Variants in CACNG1 observed in about 807,000 individuals in gnomAD.
CACNG1 encodes calcium voltage-gated channel auxiliary subunit gamma 1.
CACNG1 carries 21 observed loss-of-function variants against 22.0 expected under a neutral mutation model. The ratio of observed to expected loss-of-function variants is 0.95; its 90% CI spans 0.68 to 1.37. CACNG1 has a LOEUF of 1.37. CACNG1 is among the 40% of genes most tolerant of loss of function. The pLI is 0.00. For synonymous variants in CACNG1, 127 were observed against 129.2 expected, an observed-to-expected ratio of 0.98 and a Z score of 0.12; for missense variants, 291 against 308.6, an observed-to-expected ratio of 0.94 and a Z score of 0.43.
rs1463076297 is a variant in CACNG1 at position 67,054,282 on chromosome 17, C to T, written c.304+212C>T. Among the ~76,000 whole-genome samples the T allele has an allele frequency of 6.6e-6, 1 of 152,202 alleles. No homozygotes were observed. The highest frequency in any genetic ancestry group is 6.5e-5 in the Admixed American group (1 of 15,280). On this transcript the variant is annotated intron_variant, in intron 2 of 3. Transcript: ENST00000226021. The surrounding 1 kb of genome is among the most constrained non-coding windows in gnomAD (Gnocchi z 4.6). ...TCCAGGGCCCGGAGCTTCCACACCT[C>T]GGGGCCAGGGAGCGTTTGCAGAAGC...
In CACNG1 at chr17:67,055,428, G is replaced by A. The variant is rs1161225598; in HGVS notation, c.442+188G>A. 6.6e-6 allele frequency among the ~76,000 whole-genome samples: 1 copy of A among 152,190 alleles called. No homozygotes were observed. ...GGTTGGAGGGAGACAGAGCTTGGCG[G>A]TTTGTCCATTCCTCTCCACGACTCA... On this transcript the variant is annotated intron_variant, in intron 3 of 3. Coordinates refer to ENST00000226021, the MANE Select transcript of CACNG1 (RefSeq NM_000727.4). The surrounding 1 kb of genome is among the most constrained non-coding windows in gnomAD (Gnocchi z 4.5).
intron 1 of CACNG1, among the ~76,000 whole-genome samples, chr17:67,053,135 G>A (rs1394921266): frequency 1.3e-5 from 2 of 152,146 alleles, no homozygotes; most frequent in Non-Finnish European, 2.9e-5. Flanking sequence ...TGGGCCAAGC[G>A]GCTTTGTGGG....
At chr17:67,051,853 A>C (rs1264449549) in intron 1 of CACNG1, among the ~76,000 whole-genome samples, 2 of 152,222 alleles carry the variant, frequency 1.3e-5, no homozygotes, top group African/African-American at 2.4e-5. Flanking sequence ...CACCAGGTGC[A>C]AACAGCTGTG....
At position 67,056,520 on chromosome 17, in the gene CACNG1, T is replaced by G. The variant is rs1598142954; in HGVS notation, c.*249T>G. 1.8e-6 allele frequency: 1 copy of G among 553,148 alleles called. No homozygotes were observed. Among genetic ancestry groups the G allele is most frequent in the African/African-American group, 1.9e-5 (1 of 52,894 alleles). The allele number at this position is 553,148 out of a possible 1,614,324, so 34.3% of individuals were successfully genotyped here. A position where few individuals can be genotyped will look rare whatever the true frequency, so the allele number is the denominator to read the frequency against. On this transcript the variant is annotated 3_prime_UTR_variant, in exon 4 of 4. Transcript: ENST00000226021. The surrounding 1 kb of genome is among the most constrained non-coding windows in gnomAD (Gnocchi z 4.3). ...GAGGCAGAGCCAGCAGGTGGACAGGTGTTTGCAGGGGCCCAACTTCCCCTG... is the reference window on the plus strand; with the variant it reads ...GAGGCAGAGCCAGCAGGTGGACAGGGGTTTGCAGGGGCCCAACTTCCCCTG...
Position 67,054,977 on chromosome 17 carries a change from TG to T in CACNG1, c.305-125del. On this transcript the variant is annotated intron_variant, in intron 2 of 3. Transcript: ENST00000226021. The surrounding 1 kb of genome is among the most constrained non-coding windows in gnomAD (Gnocchi z 4.6). ...CAAGACAGACACAGAGACACACACT[TG>T]ACACACACACAATGACACACACAGA... 1 of 925,460 alleles carries T rather than the reference TG, an allele frequency of 1.1e-6. No individual in the cohort carries two copies. Among genetic ancestry groups the T allele is most frequent in the Middle Eastern group, 2.3e-4 (1 of 4,304 alleles). 57.3% of individuals were successfully genotyped at this position (925,460 alleles called of 1,614,324 possible).
At position 67,052,593 on chromosome 17, in the gene CACNG1, G is replaced by T. The variant is rs79355976; in HGVS notation, c.230-1403G>T. On this transcript the variant is annotated intron_variant, in intron 1 of 3. Transcript: ENST00000226021. ...CAAACTAGACACCATCTCAACTAGA[G>T]AAAGAGATGTTTTTCTATTTAAGGG... Among the ~76,000 whole-genome samples the T allele has an allele frequency of 2.4e-4, 37 of 152,280 alleles. No individual in the cohort carries two copies. In the East Asian group the frequency reaches 7.1e-3, roughly 29 times the overall value.
In CACNG1 at chr17:67,055,043, C is replaced by A; in HGVS notation, c.305-60C>A. On this transcript the variant is annotated intron_variant, in intron 2 of 3. Coordinates refer to ENST00000226021, the MANE Select transcript of CACNG1 (RefSeq NM_000727.4). The surrounding 1 kb of genome is among the most constrained non-coding windows in gnomAD (Gnocchi z 4.5). Reference sequence around the variant, plus strand: ...CTGTGGTGCATGGTGTGGTCCCTAACGAGCCATGACAAGAGCTCCCATGCT... The same window carrying A: ...CTGTGGTGCATGGTGTGGTCCCTAAAGAGCCATGACAAGAGCTCCCATGCT... 6.4e-7 allele frequency: 1 copy of A among 1,559,926 alleles called. No individual in the cohort carries two copies. The highest frequency in any genetic ancestry group is 8.7e-7 in the Non-Finnish European group (1 of 1,144,766).
rs181644902 is a variant in CACNG1, at chr17:67,048,200, G to A, written c.229+3311G>A. ...TGTTTAAAAAATACTGGCTGGGTGT[G>A]GTGGCTCACTCCTGTATTCCCAGCA... On this transcript the variant is annotated intron_variant, in intron 1 of 3. Coordinates refer to ENST00000226021, the MANE Select transcript of CACNG1 (RefSeq NM_000727.4). Among the ~76,000 whole-genome samples, 64 of 151,956 alleles carry A rather than the reference G, an allele frequency of 4.2e-4. 1 individual carries two copies. In the East Asian group the frequency reaches 8.5e-3, roughly 20 times the overall value.
At chr17:67,046,447 T>A (rs2035697308) in intron 1 of CACNG1, among the ~76,000 whole-genome samples, 2 of 152,072 alleles carry the variant, frequency 1.3e-5, no homozygotes. Flanking sequence ...TCCCTCCTGC[T>A]TGCTCCAGAG....
chr17:67,053,895 C>G (rs560097129), intron 1 of CACNG1, 101 bp from the exon 2 acceptor site: 1 of 806,666 alleles, frequency 1.2e-6, no homozygotes, highest in African/African-American at 1.7e-5. Context: ...GCTGCCAGAG[C>G]CCCCTGCATG....
intron 1 of CACNG1, among the ~76,000 whole-genome samples, chr17:67,050,632 T>A (rs2035722722): frequency 6.6e-6 from 1 of 152,200 alleles, no homozygotes; most frequent in Non-Finnish European, 1.5e-5. Flanking sequence ...CATCCACTAA[T>A]CCTGCCAGCT....
Position 67,055,008 on chromosome 17 carries a change from G to C in CACNG1, c.305-95G>C. 7.7e-7 allele frequency: 1 copy of C among 1,303,182 alleles called. No individual in the cohort carries two copies. Among genetic ancestry groups the C allele is most frequent in the Non-Finnish European group, 1.1e-6 (1 of 936,862 alleles). The allele number at this position is 1,303,182 out of a possible 1,614,324, so 80.7% of individuals were successfully genotyped here. A position where few individuals can be genotyped will look rare whatever the true frequency, so the allele number is the denominator to read the frequency against. ...ACACACAATGACACACACAGACACT[G>C]ACACACACACTGTGGTGCATGGTGT... On this transcript the variant is annotated intron_variant, in intron 2 of 3. Coordinates refer to ENST00000226021, the MANE Select transcript of CACNG1 (RefSeq NM_000727.4). This position sits in a 1 kb window ranked among gnomAD's most constrained non-coding sequence, Gnocchi z 4.5.
intron 1 of CACNG1, among the ~76,000 whole-genome samples, chr17:67,048,308 CAAAAAAAA>C (rs377751953): frequency 1.9e-3 from 207 of 110,426 alleles, no homozygotes; most frequent in African/African-American, 6.8e-3. Flanking sequence ...CTGTCCCTAC[CAAAAAAAA>C]AAAAAAAAAC....
At chr17:67,053,361 T>C (rs1334265781) in intron 1 of CACNG1, among the ~76,000 whole-genome samples, 2 of 152,222 alleles carry the variant, frequency 1.3e-5, no homozygotes, top group Non-Finnish European at 2.9e-5. Context: ...AAACACTGTT[T>C]CCCAGGTCCC....
chr17:67,056,608 A>T lies in CACNG1; in HGVS notation c.*337A>T. On this transcript the variant is annotated 3_prime_UTR_variant, in exon 4 of 4. Transcript: ENST00000226021. The surrounding 1 kb of genome is among the most constrained non-coding windows in gnomAD (Gnocchi z 4.3). The stretch of plus-strand genomic sequence containing the variant: ...AGCTGCCTCCAGTTGTCCTTTATGA[A>T]CATTGCAGGGACAACCTGTGTTTGC... The T allele has an allele frequency of 3.2e-6, 1 of 309,642 alleles. No homozygotes were observed. Among genetic ancestry groups the T allele is most frequent in the Non-Finnish European group, 6.0e-6 (1 of 165,408 alleles). 19.2% of individuals were successfully genotyped at this position (309,642 alleles called of 1,614,324 possible). A position where few individuals can be genotyped will look rare whatever the true frequency, so the allele number is the denominator to read the frequency against.
chr17:67,055,278 G>T lies in CACNG1; in HGVS notation c.442+38G>T, dbSNP rs755800128. The T allele has an allele frequency of 1.3e-6, 2 of 1,595,104 alleles. No individual in the cohort carries two copies. Among genetic ancestry groups the T allele is most frequent in the African/African-American group, 1.3e-5 (1 of 74,750 alleles). On this transcript the variant is annotated intron_variant, in intron 3 of 3. Coordinates refer to ENST00000226021, the MANE Select transcript of CACNG1 (RefSeq NM_000727.4). The surrounding 1 kb of genome is among the most constrained non-coding windows in gnomAD (Gnocchi z 4.5). ...ATCTGCCTGAGCGCCGGGGCCGGGG[G>T]ACCATGTCGCGGGGGATTCTCCGCT... is the stretch of plus-strand genomic sequence containing the variant.
chr17:67,052,341 CT>C (rs1050163600), intron 1 of CACNG1, among the ~76,000 whole-genome samples: 4 of 152,190 alleles, frequency 2.6e-5, no homozygotes, highest in Admixed American at 2.6e-4. Flanking sequence ...GGGTCATTTG[CT>C]TCCTCAACCT....
At chr17:67,049,877 C>A (rs535931312) in intron 1 of CACNG1, among the ~76,000 whole-genome samples, 1 of 152,316 alleles carries the variant, frequency 6.6e-6, no homozygotes, top group Admixed American at 6.5e-5. Flanking sequence ...ATGTTGGAGG[C>A]TCAGTGGGCA....
At position 67,044,846 on chromosome 17, in the gene CACNG1, C is replaced by G. The variant is rs985504081; in HGVS notation, c.186C>G (p.Pro62=). 3 of 1,613,324 alleles carry G rather than the reference C, an allele frequency of 1.9e-6. No homozygotes were observed. In the African/African-American group the frequency reaches 4.0e-5, roughly 22 times the overall value. ...GLWRICTKRI[P]MDDSKTCGPI... ...GGCGGATTTGTACCAAGCGCATCCCCATGGACGACAGCAAGACCTGCGGGC... is the reference window on the plus strand; with the variant it reads ...GGCGGATTTGTACCAAGCGCATCCCGATGGACGACAGCAAGACCTGCGGGC... The change falls in exon 1 of 4, where the codon CCC becomes CCG. Residue 62 remains proline (P), a synonymous_variant. Transcript: ENST00000226021. This position sits in a 1 kb window ranked among gnomAD's most constrained non-coding sequence, Gnocchi z 6.9.
Sources: allele counts gnomAD v4.1 joint callset (sites outside exome capture counted in the v4.1 genomes callset), GRCh38; gene constraint gnomAD v4.1.1; non-coding constraint Gnocchi (gnomAD v3.1); transcripts MANE v1.5; gene names NCBI Gene and HGNC (gene_info 2026-07-23, HGNC 2026-07-21).